DNM1L: variants seen among roughly 807,000 people sequenced by gnomAD.
The protein encoded by DNM1L is dynamin 1L.
Under a neutral mutation model 92.8 loss-of-function variants are expected in DNM1L, and 33 were observed. The ratio of observed to expected loss-of-function variants is 0.36; its 90% CI spans 0.27 to 0.48. DNM1L has a LOEUF of 0.48. Ranked by LOEUF, DNM1L falls within the 20% of genes least tolerant of loss-of-function variation. DNM1L has a pLI of 0.99. For synonymous variants in DNM1L, 284 were observed against 305.0 expected (o/e 0.93, Z 0.72); for missense variants, 485 against 888.8 (o/e 0.55, Z 5.78).
At chr12:32,724,692 T>C (rs1404198817) in intron 9 of DNM1L, among the ~76,000 whole-genome samples, 3 of 146,340 alleles carry the variant, frequency 2.1e-5, no homozygotes, top group Admixed American at 6.9e-5. Context: ...TAATAATATA[T>C]ATAGAAGCCA....
At chr12:32,727,492 G>T in intron 9 of DNM1L, 2 of 544,630 alleles carry the variant, frequency 3.7e-6, no homozygotes, top group Non-Finnish European at 6.6e-6. Flanking sequence ...ACTGCAAGCA[G>T]ATGGCGCTAA....
At chr12:32,710,786 C>CA (rs1953096473) in intron 4 of DNM1L, 143 bp from the exon 5 acceptor site, 1 of 650,102 alleles carries the variant, frequency 1.5e-6, no homozygotes, top group South Asian at 2.1e-5. Flanking sequence ...CCATGTGTTT[C>CA]ATCAGGTTTT....
chr12:32,718,147 T>C (rs1953631266), intron 6 of DNM1L, among the ~76,000 whole-genome samples: 1 of 140,674 alleles, frequency 7.1e-6, no homozygotes, highest in South Asian at 2.2e-4. Flanking sequence ...ATGTATAGTA[T>C]ATATATATAT....
intron 1 of DNM1L, among the ~76,000 whole-genome samples, chr12:32,688,632 C>G (rs78829327): frequency 0.011 from 1,665 of 152,264 alleles, 24 homozygotes; most frequent in East Asian, 0.035. Context: ...TATAATTTAT[C>G]TCAATGTGTG....
chr12:32,706,877 T>A (rs1353535320), intron 2 of DNM1L: 1 of 334,118 alleles, frequency 3.0e-6, no homozygotes, highest in Non-Finnish European at 5.8e-6. Context: ...ATTGACACAT[T>A]GTAAAATTTT....
chr12:32,719,135 G>A (rs1953688283), intron 7 of DNM1L, among the ~76,000 whole-genome samples: 1 of 151,914 alleles, frequency 6.6e-6, no homozygotes, highest in South Asian at 2.1e-4. Context: ...TTTTTTTGTA[G>A]TGACAAGGTC....
chr12:32,711,242 T>C, intron 5 of DNM1L: 1 of 485,556 alleles, frequency 2.1e-6, no homozygotes, highest in Non-Finnish European at 3.7e-6. Context: ...TCTCTTTTGC[T>C]GTTTCTTCTC....
At chr12:32,699,370 CT>C (rs1315160888) in intron 1 of DNM1L, among the ~76,000 whole-genome samples, 1 of 151,986 alleles carries the variant, frequency 6.6e-6, no homozygotes, top group Non-Finnish European at 1.5e-5. Context: ...GGATAAAGAA[CT>C]TTATTATAAA....
At chr12:32,733,939 A>G in intron 13 of DNM1L, 132 bp downstream of exon 13, 1 of 776,152 alleles carries the variant, frequency 1.3e-6, no homozygotes, top group Non-Finnish European at 2.2e-6. Context: ...ATGTCAGGAA[A>G]TATGCTGAGG....
At chr12:32,704,499 G>A (rs182383027) in intron 2 of DNM1L, among the ~76,000 whole-genome samples, 6 of 150,686 alleles carry the variant, frequency 4.0e-5, no homozygotes, top group Admixed American at 1.3e-4. Flanking sequence ...GTAGTGAGCC[G>A]AGATCGAGCC....
intron 12 of DNM1L, 144 bp downstream of exon 12, chr12:32,732,087 A>G (rs1954590417): frequency 1.5e-6 from 1 of 662,276 alleles, no homozygotes; most frequent in African/African-American, 1.8e-5. Flanking sequence ...AAACAAGTTG[A>G]GTTTCAGTCT....
chr12:32,701,401 T>C lies in DNM1L; in HGVS notation c.103-14T>C. ...AAGAAACTCATTTTGCTCTTGTATA[T>C]ATTCTGTTTTCAGAGCAGCGGAAAG... On this transcript the variant is annotated splice_polypyrimidine_tract_variant and intron_variant, in intron 1 of 19. Coordinates refer to ENST00000549701, the MANE Select transcript of DNM1L (RefSeq NM_012062.5). 1 of 1,612,972 alleles carries C rather than the reference T, an allele frequency of 6.2e-7. No individual in the cohort carries two copies. The highest frequency in any genetic ancestry group is 8.5e-7 in the Non-Finnish European group (1 of 1,179,004).
At chr12:32,689,893 A>G in intron 1 of DNM1L, among the ~76,000 whole-genome samples, 1 of 152,262 alleles carries the variant, frequency 6.6e-6, no homozygotes, top group East Asian at 1.9e-4. Context: ...TTTGGAAGAA[A>G]CTAAAACTAA....
At chr12:32,688,156 C>G (rs1384688946) in intron 1 of DNM1L, among the ~76,000 whole-genome samples, 2 of 152,092 alleles carry the variant, frequency 1.3e-5, no homozygotes, top group African/African-American at 4.8e-5. Context: ...AACTCCTAAC[C>G]TCAGGTGATC....
chr12:32,719,088 C>CTA (rs373159450), intron 7 of DNM1L, among the ~76,000 whole-genome samples: 258 of 151,936 alleles, frequency 1.7e-3, no homozygotes, highest in Middle Eastern at 0.01. Context: ...GTAGCTGAGA[C>CTA]TATAGGTGTG....
chr12:32,741,275 T>C (rs1018301661), intron 18 of DNM1L, among the ~76,000 whole-genome samples: 4 of 152,216 alleles, frequency 2.6e-5, no homozygotes, highest in Non-Finnish European at 5.9e-5. Context: ...TTTCCTTCCT[T>C]GCCCCCATCC....
intron 2 of DNM1L, chr12:32,706,546 G>A (rs781231715): frequency 2.8e-6 from 1 of 360,774 alleles, no homozygotes; most frequent in South Asian, 2.3e-5. Context: ...CAGTGCAACA[G>A]TGAATCTATT....
intron 9 of DNM1L, among the ~76,000 whole-genome samples, chr12:32,728,007 C>A (rs1421750498): frequency 1.3e-5 from 2 of 152,166 alleles, no homozygotes; most frequent in Non-Finnish European, 2.9e-5. Flanking sequence ...TTTCTCTACA[C>A]CCTCATTAGA....
At chr12:32,703,752 AGAAG>A (rs1565503869) in intron 2 of DNM1L, among the ~76,000 whole-genome samples, 2 of 152,174 alleles carry the variant, frequency 1.3e-5, no homozygotes, top group African/African-American at 4.8e-5. Flanking sequence ...GATGACATGG[AGAAG>A]TATAATCCAT....
Sources: allele counts gnomAD v4.1 joint callset (sites outside exome capture counted in the v4.1 genomes callset), GRCh38; gene constraint gnomAD v4.1.1; transcripts MANE v1.5; gene names NCBI Gene and HGNC (gene_info 2026-07-23, HGNC 2026-07-21).